TMEM232: variants seen among roughly 807,000 people sequenced by gnomAD.
TMEM232 encodes transmembrane protein 232.
A neutral mutation model predicts 78.8 loss-of-function variants in TMEM232; 80 were observed. That is an observed-to-expected ratio of 1.01 (90% CI 0.85 to 1.22). The LOEUF is 1.22. Ranked by LOEUF, TMEM232 falls within the 50% of genes most tolerant of loss-of-function variation. TMEM232 has a pLI of 0.00. For synonymous variants in TMEM232, 297 were observed against 254.3 expected, an observed-to-expected ratio of 1.17 and a Z score of -1.60; for missense variants, 881 against 742.2, an observed-to-expected ratio of 1.19 and a Z score of -2.17.
intron 10 of TMEM232, among the ~76,000 whole-genome samples, chr5:110,570,088 T>C (rs1048549865): frequency 2.0e-5 from 3 of 151,976 alleles, no homozygotes; most frequent in Non-Finnish European, 2.9e-5. Flanking sequence ...CAGTTTCCAA[T>C]TTTAAGGTAT....
intron 10 of TMEM232, among the ~76,000 whole-genome samples, chr5:110,599,911 T>C (rs1561360501): frequency 6.6e-6 from 1 of 152,116 alleles, no homozygotes; most frequent in African/African-American, 2.4e-5. Context: ...GACCACATAA[T>C]TGGAAGTAAA....
At chr5:110,645,561 C>T (rs957107834) in intron 2 of TMEM232, among the ~76,000 whole-genome samples, 2 of 150,834 alleles carry the variant, frequency 1.3e-5, no homozygotes, top group South Asian at 2.1e-4. Flanking sequence ...AAAGAATTTA[C>T]GTCAATTTAC....
chr5:110,433,180 T>C (rs1478047592), intron 12 of TMEM232, among the ~76,000 whole-genome samples: 4 of 151,954 alleles, frequency 2.6e-5, no homozygotes, highest in African/African-American at 7.2e-5. Flanking sequence ...AGAATAGACA[T>C]GCTTCTGATC....
intron 10 of TMEM232, among the ~76,000 whole-genome samples, chr5:110,587,675 ATATATATATATATATATGTGTGTGTG>A (rs941920028): frequency 6.4e-5 from 6 of 94,176 alleles, no homozygotes; most frequent in African/African-American, 2.6e-4. Flanking sequence ...ATATATATAT[ATATATATATATATATATGTGTGTGTG>A]TGTGTGTGTG....
chr5:110,443,659 T>A (rs1759308497), intron 12 of TMEM232, among the ~76,000 whole-genome samples: 1 of 151,844 alleles, frequency 6.6e-6, no homozygotes, highest in African/African-American at 2.4e-5. Flanking sequence ...ACAGAAGGAG[T>A]CTTTCAGCAT....
rs1187736557 is a variant in TMEM232, at chr5:110,606,228, C to T, written c.962G>A (p.Cys321Tyr). The T allele has an allele frequency of 1.3e-6, 2 of 1,544,148 alleles. No individual in the cohort carries two copies. Among genetic ancestry groups the T allele is most frequent in the South Asian group, 1.2e-5 (1 of 83,094 alleles). The stretch of plus-strand genomic sequence containing the variant: ...CACTACGTCCATTAAAGCTTTCAAG[C>T]AGGCCATGTTTAATTTGGCAGCCTC... ...LGEAAKLNMA[C>Y]LKALMDVVRD... is the part of the protein sequence containing the mutation. Residue 321 changes from cysteine to tyrosine, a missense_variant, in exon 9 of 14, where the codon TGC becomes TAC. By Grantham distance (194) the Cys-to-Tyr change is radical (BLOSUM62 -2). Transcript: ENST00000455884.
intron 12 of TMEM232, among the ~76,000 whole-genome samples, chr5:110,468,835 A>T (rs1762368420): frequency 6.6e-6 from 1 of 152,224 alleles, no homozygotes; most frequent in African/African-American, 2.4e-5. Flanking sequence ...GAAACAATTA[A>T]CAACTATATT....
chr5:110,468,368 A>C (rs1176426933), intron 12 of TMEM232, among the ~76,000 whole-genome samples: 1 of 152,114 alleles, frequency 6.6e-6, no homozygotes, highest in Non-Finnish European at 1.5e-5. Flanking sequence ...TAAAAACATT[A>C]CATGAAAATT....
chr5:110,510,300 C>T (rs1237845454), intron 12 of TMEM232, among the ~76,000 whole-genome samples: 1 of 152,212 alleles, frequency 6.6e-6, no homozygotes, highest in Non-Finnish European at 1.5e-5. Context: ...TTCCTACCCC[C>T]AACTCTGCCT....
chr5:110,711,748 C>T (rs893236727), intron 1 of TMEM232, among the ~76,000 whole-genome samples: 6 of 152,072 alleles, frequency 3.9e-5, no homozygotes, highest in African/African-American at 1.4e-4. Context: ...AAGAATGAAA[C>T]AAGACCCTTG....
At chr5:110,542,588 T>A (rs763894928) in intron 11 of TMEM232, among the ~76,000 whole-genome samples, 3 of 152,056 alleles carry the variant, frequency 2.0e-5, no homozygotes, top group Non-Finnish European at 4.4e-5. Context: ...CATGAAGCAG[T>A]TACAGAAGAA....
intron 12 of TMEM232, among the ~76,000 whole-genome samples, chr5:110,520,782 G>A (rs1208743355): frequency 6.6e-6 from 1 of 152,134 alleles, no homozygotes; most frequent in East Asian, 1.9e-4. Flanking sequence ...GCCAGGCATG[G>A]TGTCGTATGC....
At chr5:110,398,412 C>T (rs543941981) in intron 2 of TMEM232, among the ~76,000 whole-genome samples, 15 of 152,200 alleles carry the variant, frequency 9.9e-5, no homozygotes, top group Non-Finnish European at 1.5e-4. Context: ...ATTTAAGTAT[C>T]GCGTGCAGGT....
At chr5:110,594,041 G>T (rs959886207) in intron 10 of TMEM232, among the ~76,000 whole-genome samples, 5 of 152,058 alleles carry the variant, frequency 3.3e-5, no homozygotes, top group African/African-American at 7.2e-5. Flanking sequence ...AACAGCTCTG[G>T]TCTGCAGCTC....
At chr5:110,692,901 C>G (rs955303725) in intron 1 of TMEM232, among the ~76,000 whole-genome samples, 2 of 152,202 alleles carry the variant, frequency 1.3e-5, no homozygotes, top group Non-Finnish European at 2.9e-5. Context: ...AAAGAAAAGG[C>G]AGCAGTAACC....
At chr5:110,692,888 G>A (rs1794302381) in intron 1 of TMEM232, among the ~76,000 whole-genome samples, 1 of 152,208 alleles carries the variant, frequency 6.6e-6, no homozygotes, top group Non-Finnish European at 1.5e-5. Context: ...GCAGGGCACA[G>A]ACAAAGAAAA....
rs1554097433 is a variant in TMEM232 at position 110,520,050 on chromosome 5, T to TAG, written c.1703+8536_1703+8537dup. ...TTATATATTTATGTATATATATATA[T>TAG]AGAGAGAGAGAGAGAGAGGATTAGG... On this transcript the variant is annotated intron_variant, in intron 12 of 13. Coordinates refer to ENST00000455884, the MANE Select transcript of TMEM232 (RefSeq NM_001039763.4). 1.1e-3 allele frequency among the ~76,000 whole-genome samples: 167 copies of TAG among 147,248 alleles called. 1 individual carries two copies. The highest frequency in any genetic ancestry group is 1.6e-3 in the Admixed American group (24 of 14,794).
chr5:110,555,470 T>C (rs1774966911), intron 11 of TMEM232, among the ~76,000 whole-genome samples: 1 of 152,212 alleles, frequency 6.6e-6, no homozygotes, highest in Non-Finnish European at 1.5e-5. Flanking sequence ...AAGAAGAATG[T>C]ATATTCTGGT....
At chr5:110,534,082 C>T (rs1020774551) in intron 11 of TMEM232, among the ~76,000 whole-genome samples, 3 of 152,152 alleles carry the variant, frequency 2.0e-5, no homozygotes, top group African/African-American at 7.2e-5. Flanking sequence ...TGCCCCAAGT[C>T]AGGAAACTAA....
Sources: allele counts gnomAD v4.1 joint callset (sites outside exome capture counted in the v4.1 genomes callset), GRCh38; gene constraint gnomAD v4.1.1; transcripts MANE v1.5; gene names NCBI Gene and HGNC (gene_info 2026-07-23, HGNC 2026-07-21).